Variants in DOCK5 observed in about 807,000 individuals in gnomAD.
The protein encoded by DOCK5 is dedicator of cytokinesis 5.
Under a neutral mutation model 251.8 loss-of-function variants are expected in DOCK5, and 142 were observed. That is an observed-to-expected ratio of 0.56 (90% CI 0.49 to 0.65). The LOEUF is 0.65. Ranked by LOEUF, DOCK5 falls within the 30% of genes least tolerant of loss-of-function variation. The probability of loss-of-function intolerance (pLI) is 0.00; values close to 1 mark genes in which losing one functional copy is unlikely to be tolerated. For synonymous variants in DOCK5, 842 were observed against 835.5 expected (o/e 1.01, Z -0.13); for missense variants, 2,111 against 2,312.3 (o/e 0.91, Z 1.79).
chr8:25,299,864 A>AT (rs1554475341), intron 8 of DOCK5, among the ~76,000 whole-genome samples: 1 of 152,176 alleles, frequency 6.6e-6, no homozygotes, highest in Non-Finnish European at 1.5e-5. Flanking sequence ...TTTAAAAAAA[A>AT]TTTTTTAATG....
chr8:25,307,949 C>T (rs1440358167), intron 11 of DOCK5, among the ~76,000 whole-genome samples: 1 of 152,170 alleles, frequency 6.6e-6, no homozygotes, highest in Non-Finnish European at 1.5e-5. Flanking sequence ...TAGAGAGAAT[C>T]ATTTGTAAAA....
At chr8:25,306,510 C>T (rs373137928) in intron 11 of DOCK5, among the ~76,000 whole-genome samples, 14 of 151,924 alleles carry the variant, frequency 9.2e-5, no homozygotes, top group Admixed American at 5.9e-4. Flanking sequence ...ATCGAGACCA[C>T]GGTGAAACCC....
rs777459878 is a variant in DOCK5 at position 25,374,781 on chromosome 8, T to A, written c.3816+127T>A. On this transcript the variant is annotated intron_variant, in intron 37 of 51. Coordinates refer to ENST00000276440, the MANE Select transcript of DOCK5 (RefSeq NM_024940.8). Reference sequence around the variant, plus strand: ...AGGAATATCCTTTTATACAAGTTTTTTTAGTTCTTTCTAAATAGGCACAGC... The same window carrying A: ...AGGAATATCCTTTTATACAAGTTTTATTAGTTCTTTCTAAATAGGCACAGC... 3 of 1,579,002 alleles carry A rather than the reference T, an allele frequency of 1.9e-6. No homozygotes were observed. In the South Asian group the frequency reaches 3.5e-5, roughly 18 times the overall value.
At position 25,292,192 on chromosome 8, in the gene DOCK5, C is replaced by A; in HGVS notation, c.470+20C>A. On this transcript the variant is annotated intron_variant, in intron 6 of 51. Transcript: ENST00000276440. ...GAACAGGTAGGTAAACCAGGGATGG[C>A]TTTTCACTGAAAACTTGGCGAACAG... 5 of 1,542,778 alleles carry A rather than the reference C, an allele frequency of 3.2e-6. No homozygotes were observed. Among genetic ancestry groups the A allele is most frequent in the Non-Finnish European group, 4.4e-6 (5 of 1,144,468 alleles).
At chr8:25,342,598 T>A (rs1452951188) in intron 25 of DOCK5, 91 bp downstream of exon 25, 2 of 907,840 alleles carry the variant, frequency 2.2e-6, no homozygotes, top group Non-Finnish European at 3.2e-6. Context: ...CAAGACTCCA[T>A]CTCAAAAAGC....
chr8:25,402,083 CT>C (rs1801448895), intron 47 of DOCK5, among the ~76,000 whole-genome samples: 2 of 152,068 alleles, frequency 1.3e-5, no homozygotes, highest in Non-Finnish European at 2.9e-5. Flanking sequence ...GCATTTTTTT[CT>C]TTGAATTCAT....
At chr8:25,275,298 T>G in intron 3 of DOCK5, 88 bp from the exon 4 acceptor site, 1 of 1,121,438 alleles carries the variant, frequency 8.9e-7, no homozygotes, top group Non-Finnish European at 1.3e-6. Flanking sequence ...GGTGTTCCCA[T>G]TTATTCTCTT....
chr8:25,289,443 C>T (rs781069594), intron 5 of DOCK5, among the ~76,000 whole-genome samples: 3 of 151,758 alleles, frequency 2.0e-5, no homozygotes, highest in African/African-American at 4.8e-5. Context: ...TGAGCCACCA[C>T]GCCCAGCCAG....
chr8:25,266,458 G>A (rs112874579), intron 2 of DOCK5, among the ~76,000 whole-genome samples: 5,475 of 151,536 alleles, frequency 0.036, 155 homozygotes, highest in South Asian at 0.066. Flanking sequence ...CTCGTGATCC[G>A]CCCGCCTCAG....
At chr8:25,221,206 C>T (rs1802377264) in intron 1 of DOCK5, among the ~76,000 whole-genome samples, 1 of 152,090 alleles carries the variant, frequency 6.6e-6, no homozygotes, top group Non-Finnish European at 1.5e-5. Flanking sequence ...CTTTCTCTTT[C>T]CAAAGGAATA....
At position 25,210,068 on chromosome 8, in the gene DOCK5, G is replaced by T. The variant is rs1453840080; in HGVS notation, c.43+25117G>T. ...TGTGTGTGTGTGTGTGTGTGTGTGT[G>T]TATCTGTCTATTTATCTATCTATCT... On this transcript the variant is annotated intron_variant, in intron 1 of 51. Transcript: ENST00000276440. Among the ~76,000 whole-genome samples the T allele has an allele frequency of 9.9e-4, 19 of 19,102 alleles. 3 individuals carry two copies. The highest frequency in any genetic ancestry group is 1.6e-3 in the African/African-American group (11 of 6,760). 12.5% of individuals were successfully genotyped at this position (19,102 alleles called of 152,430 possible). A position where few individuals can be genotyped will look rare whatever the true frequency, so the allele number is the denominator to read the frequency against.
At chr8:25,186,014 GT>G (rs1328075782) in intron 1 of DOCK5, among the ~76,000 whole-genome samples, 6 of 152,114 alleles carry the variant, frequency 3.9e-5, no homozygotes, top group Non-Finnish European at 7.4e-5. Flanking sequence ...TTGTAATTTA[GT>G]CTTTGACTTT....
At chr8:25,400,148 C>T (rs1332783363) in intron 46 of DOCK5, among the ~76,000 whole-genome samples, 154 bp downstream of exon 46, 4 of 152,102 alleles carry the variant, frequency 2.6e-5, no homozygotes, top group African/African-American at 9.7e-5. Context: ...TTTGTTTGCT[C>T]GGCCGGCAGT....
At chr8:25,369,760 C>T in intron 34 of DOCK5, 119 bp downstream of exon 34, 1 of 754,990 alleles carries the variant, frequency 1.3e-6, no homozygotes, top group South Asian at 1.8e-5. Context: ...GGGCCACCCC[C>T]ACTGTGGTCT....
chr8:25,319,503 T>G, intron 14 of DOCK5, 75 bp from the exon 15 acceptor site: 1 of 977,800 alleles, frequency 1.0e-6, no homozygotes, highest in Non-Finnish European at 1.6e-6. Context: ...GTGAGGGGCT[T>G]GTGCATGGTA....
intron 18 of DOCK5, among the ~76,000 whole-genome samples, chr8:25,329,979 A>G (rs990470279): frequency 1.3e-5 from 2 of 152,170 alleles, no homozygotes; most frequent in African/African-American, 4.8e-5. Context: ...ATATTTTCCT[A>G]TGTGAGCAGT....
In DOCK5 at chr8:25,366,898, T is replaced by C. The variant is rs376037392; in HGVS notation, c.3152T>C (p.Val1051Ala). 1 of 1,613,880 alleles carries C rather than the reference T, an allele frequency of 6.2e-7. No individual in the cohort carries two copies. Among genetic ancestry groups the C allele is most frequent in the South Asian group, 1.1e-5 (1 of 91,078 alleles). Reference protein sequence around the residue: ...QLWNNYFHLAVAFLTHESLQL... With the variant: ...QLWNNYFHLAAAFLTHESLQL... ...TGGAACAATTACTTCCATTTGGCAGTTGCATTTCTCACCCATGAGTCCCTT... is the reference window on the plus strand; with the variant it reads ...TGGAACAATTACTTCCATTTGGCAGCTGCATTTCTCACCCATGAGTCCCTT... Residue 1051 changes from valine (V) to alanine (A), a missense_variant, in exon 31 of 52, where the codon GTT becomes GCT. Physicochemically the swap from Val to Ala is moderately conservative, Grantham distance 64. Around this residue, in one of 3 missense-constraint regions of DOCK5, gnomAD observed 1,717 missense variants for 1,892.4 expected, o/e 0.91. Coordinates refer to ENST00000276440, the MANE Select transcript of DOCK5 (RefSeq NM_024940.8).
chr8:25,407,786 A>AG (rs1644899251), intron 48 of DOCK5, among the ~76,000 whole-genome samples, 197 bp from the exon 49 acceptor site: 1 of 151,304 alleles, frequency 6.6e-6, no homozygotes, highest in Admixed American at 6.6e-5. Flanking sequence ...AGTCCCAGCC[A>AG]CTCAGAAGTC....
Position 25,340,960 on chromosome 8 carries a change from G to A in DOCK5, c.2411G>A (p.Arg804Lys), listed in dbSNP as rs1805940838. Residue 804 changes from arginine to lysine, a missense_variant, in exon 23 of 52, where the codon AGG becomes AAG. This residue lies in a region of DOCK5 where 1,717 missense variants were observed against 1,892.4 expected (regional missense o/e 0.91). Transcript: ENST00000276440. ...LFLAFNMLMD[R>K]PLEEAVKIKG... ...CTTGCTTTCAATATGCTGATGGACAGGCCTCTGGAGGAAGCCGTCAAGATC... is the reference window on the plus strand; with the variant it reads ...CTTGCTTTCAATATGCTGATGGACAAGCCTCTGGAGGAAGCCGTCAAGATC... The A allele has an allele frequency of 6.2e-7, 1 of 1,612,912 alleles. No homozygotes were observed. Among genetic ancestry groups the A allele is most frequent in the Non-Finnish European group, 8.5e-7 (1 of 1,179,464 alleles).
Sources: gnomAD v4.1 joint callset for allele counts (sites outside exome capture counted in the v4.1 genomes callset) on GRCh38, gnomAD v4.1.1 for gene constraint, gnomAD v4.1.1 regional missense constraint, MANE v1.5 for transcripts, NCBI Gene and HGNC (gene_info 2026-07-23, HGNC 2026-07-21) for gene names.